Variants in PAK5 observed in about 807,000 individuals in gnomAD.
The protein encoded by PAK5 is serine/threonine-protein kinase PAK 5.
Under a neutral mutation model 65.9 loss-of-function variants are expected in PAK5, and 16 were observed. That is an observed-to-expected ratio of 0.24 (90% CI 0.16 to 0.37). The LOEUF is 0.37. PAK5 is among the 10% of genes least tolerant of loss of function. The probability of loss-of-function intolerance (pLI) is 1.00; values close to 1 mark genes in which losing one functional copy is unlikely to be tolerated. For missense variants in PAK5, 785 were observed against 903.9 expected (o/e 0.87, Z 1.69); for synonymous variants, 371 against 354.9 (o/e 1.05, Z -0.51).
intron 3 of PAK5, among the ~76,000 whole-genome samples, chr20:9,594,281 C>T (rs1476160864): frequency 6.6e-6 from 1 of 152,218 alleles, no homozygotes; most frequent in East Asian, 1.9e-4. Flanking sequence ...TCACAATCTG[C>T]ATTTTAACAA....
chr20:9,628,621 T>C (rs2046879479), intron 3 of PAK5, among the ~76,000 whole-genome samples: 1 of 152,240 alleles, frequency 6.6e-6, no homozygotes, highest in South Asian at 2.1e-4. Context: ...CCAAATACTG[T>C]TGTTTTTTCT....
At chr20:9,780,689 AC>A (rs901805328) in intron 1 of PAK5, among the ~76,000 whole-genome samples, 1 of 151,720 alleles carries the variant, frequency 6.6e-6, no homozygotes, top group Non-Finnish European at 1.5e-5. Flanking sequence ...TATAGTACAC[AC>A]CCCCCTTGGA....
At chr20:9,540,016 C>A (rs1387756621) in intron 9 of PAK5, among the ~76,000 whole-genome samples, 1 of 152,160 alleles carries the variant, frequency 6.6e-6, no homozygotes, top group African/African-American at 2.4e-5. Flanking sequence ...TCTGTGGAAC[C>A]CCTTTCTTTA....
chr20:9,746,669 A>T (rs983326569), intron 1 of PAK5, among the ~76,000 whole-genome samples: 2 of 152,084 alleles, frequency 1.3e-5, no homozygotes, highest in African/African-American at 4.8e-5. Flanking sequence ...CATTAATGTG[A>T]ATGAGAAACT....
chr20:9,592,627 C>T (rs539187511), intron 3 of PAK5, among the ~76,000 whole-genome samples: 2 of 152,178 alleles, frequency 1.3e-5, no homozygotes, highest in East Asian at 1.9e-4. Flanking sequence ...CTTGACTTGT[C>T]CAGCAAATAT....
intron 1 of PAK5, among the ~76,000 whole-genome samples, chr20:9,750,659 T>C (rs2048565445): frequency 6.6e-6 from 1 of 152,060 alleles, no homozygotes; most frequent in South Asian, 2.1e-4. Flanking sequence ...TAGCTCACAG[T>C]GTTGCCTAAA....
intron 1 of PAK5, among the ~76,000 whole-genome samples, chr20:9,770,517 G>A (rs1470673040): frequency 6.6e-6 from 1 of 152,124 alleles, no homozygotes; most frequent in Non-Finnish European, 1.5e-5. Flanking sequence ...CCAGCACAAT[G>A]GTGTGTTTCA....
intron 1 of PAK5, among the ~76,000 whole-genome samples, chr20:9,744,032 G>A (rs1334505136): frequency 6.6e-6 from 1 of 152,198 alleles, no homozygotes; most frequent in Non-Finnish European, 1.5e-5. Context: ...TGCTGGCCTT[G>A]AAGACTGCAG....
At chr20:9,597,755 T>G (rs1242089439) in intron 3 of PAK5, among the ~76,000 whole-genome samples, 2 of 152,190 alleles carry the variant, frequency 1.3e-5, no homozygotes, top group African/African-American at 4.8e-5. Context: ...TTACCATGTG[T>G]ACAAGTCTGT....
intron 2 of PAK5, among the ~76,000 whole-genome samples, chr20:9,675,856 T>C (rs758850529): frequency 2.0e-4 from 31 of 152,240 alleles, no homozygotes; most frequent in Non-Finnish European, 4.3e-4. Flanking sequence ...CACAAGGCTA[T>C]TTGGTGACAA....
chr20:9,706,722 G>A (rs938178665), intron 2 of PAK5, among the ~76,000 whole-genome samples: 1 of 151,508 alleles, frequency 6.6e-6, no homozygotes, highest in Non-Finnish European at 1.5e-5. Flanking sequence ...TGCCCAGGCT[G>A]ATCTCGAACT....
chr20:9,722,174 C>T (rs1431540491), intron 1 of PAK5, among the ~76,000 whole-genome samples: 1 of 152,016 alleles, frequency 6.6e-6, no homozygotes, highest in Non-Finnish European at 1.5e-5. Flanking sequence ...ACAGCAGGGT[C>T]AACAGTCATC....
intron 2 of PAK5, among the ~76,000 whole-genome samples, chr20:9,695,894 G>A (rs957207034): frequency 6.6e-6 from 1 of 151,854 alleles, no homozygotes; most frequent in Non-Finnish European, 1.5e-5. Flanking sequence ...AAGCTCCATA[G>A]ACCAGTGTTA....
chr20:9,558,985 C>T lies in PAK5; in HGVS notation c.1617-1251G>A, dbSNP rs966584189. Among the ~76,000 whole-genome samples the T allele has an allele frequency of 2.6e-5, 4 of 152,126 alleles. No homozygotes were observed. The East Asian group carries it at 7.7e-4, about 29-fold the overall frequency. ...ACCCCACCTCTTTTTTAGTCCAGAA[C>T]GCACGCTTTCCGACTTTCCCACTTT... On this transcript the variant is annotated intron_variant, in intron 6 of 9. Coordinates refer to ENST00000353224, the MANE Select transcript of PAK5 (RefSeq NM_177990.4).
Position 9,538,299 on chromosome 20 carries a change from C to T in PAK5, c.*1163G>A, listed in dbSNP as rs1046332113. The T allele has an allele frequency of 4.3e-6, 1 of 233,568 alleles. No homozygotes were observed. Among genetic ancestry groups the T allele is most frequent in the East Asian group, 6.0e-5 (1 of 16,572 alleles). 14.5% of individuals were successfully genotyped at this position (233,568 alleles called of 1,614,324 possible). A position where few individuals can be genotyped will look rare whatever the true frequency, so the allele number is the denominator to read the frequency against. On this transcript the variant is annotated 3_prime_UTR_variant, in exon 10 of 10. Transcript: ENST00000353224. ...CTGGTAAAATACCCTCTTGCTAATT[C>T]ATCCTCTAGAGTCAGTTCAGACTTC... is the stretch of plus-strand genomic sequence containing the variant.
chr20:9,687,309 A>T (rs758961999), intron 2 of PAK5, among the ~76,000 whole-genome samples: 5 of 152,234 alleles, frequency 3.3e-5, no homozygotes, highest in Non-Finnish European at 5.9e-5. Flanking sequence ...TCTCATTTTT[A>T]GGAAGCTTGA....
rs974171813 is a variant in PAK5 at position 9,720,619 on chromosome 20, C to T, written c.-161-9184G>A. Among the ~76,000 whole-genome samples, 8 of 152,134 alleles carry T rather than the reference C, an allele frequency of 5.3e-5. No homozygotes were observed. The East Asian group carries it at 1.5e-3, about 29-fold the overall frequency. On this transcript the variant is annotated intron_variant, in intron 1 of 9. Transcript: ENST00000353224. ...ACTCCCAGGTATATACCCCAAAAAA[C>T]TGAAAACAGGCACTGAACAGAAATG...
intron 1 of PAK5, among the ~76,000 whole-genome samples, chr20:9,767,083 T>C (rs536542392): frequency 1.3e-5 from 2 of 152,156 alleles, no homozygotes; most frequent in Non-Finnish European, 2.9e-5. Flanking sequence ...AGCTGGATTC[T>C]TGGCAGCAAG....
chr20:9,752,068 T>C (rs1296227662), intron 1 of PAK5, among the ~76,000 whole-genome samples: 2 of 152,070 alleles, frequency 1.3e-5, no homozygotes, highest in Admixed American at 1.3e-4. Context: ...AACTGAACAG[T>C]ATTATGAAGG....
Sources: gnomAD v4.1 joint callset for allele counts (sites outside exome capture counted in the v4.1 genomes callset) on GRCh38, gnomAD v4.1.1 for gene constraint, MANE v1.5 for transcripts, NCBI Gene and HGNC (gene_info 2026-07-23, HGNC 2026-07-21) for gene names.